The following NOL10 variants were observed in gnomAD, a reference collection of about 807,000 sequenced individuals.
NOL10 encodes the protein nucleolar protein 10.
A neutral mutation model predicts 103.5 loss-of-function variants in NOL10; 58 were observed. That is an observed-to-expected ratio of 0.56 (90% CI 0.45 to 0.70). The LOEUF (loss-of-function observed/expected upper bound fraction) is 0.70, where lower values mean the gene tolerates loss of function less well. NOL10 is among the 30% of genes least tolerant of loss of function. The pLI is 0.00. For synonymous variants in NOL10, 287 were observed against 282.5 expected (o/e 1.02, Z -0.16); for missense variants, 763 against 807.3 (o/e 0.95, Z 0.67).
chr2:10,619,821 A>C (rs996101399), intron 13 of NOL10, among the ~76,000 whole-genome samples: 1 of 152,192 alleles, frequency 6.6e-6, no homozygotes, highest in South Asian at 2.1e-4. Context: ...GGCTACAAAC[A>C]GTCATTTGAT....
intron 11 of NOL10, 28 bp from the exon 12 acceptor site, chr2:10,654,575 T>C (rs1679699149): frequency 1.3e-6 from 2 of 1,492,486 alleles, no homozygotes; most frequent in Non-Finnish European, 1.8e-6. Flanking sequence ...AAACGAAGTA[T>C]TAAAAGTTAA....
At chr2:10,686,059 C>CA (rs1221027503) in intron 1 of NOL10, among the ~76,000 whole-genome samples, 160 of 136,626 alleles carry the variant, frequency 1.2e-3, no homozygotes, top group African/African-American at 2.5e-3. Flanking sequence ...AAACCTGTTT[C>CA]AAAAAAAAAA....
intron 5 of NOL10, 54 bp from the exon 6 acceptor site, chr2:10,671,744 T>C (rs1680957060): frequency 7.3e-7 from 1 of 1,372,020 alleles, no homozygotes; most frequent in African/African-American, 1.5e-5. Context: ...AGGTGTTTAC[T>C]TCATTATCGC....
intron 3 of NOL10, among the ~76,000 whole-genome samples, chr2:10,677,462 T>C (rs1267915081): frequency 4.0e-5 from 6 of 148,504 alleles, no homozygotes; most frequent in Non-Finnish European, 7.5e-5. Context: ...GGGTTTTCTT[T>C]GGTGTTTTTT....
chr2:10,657,310 C>A (rs1469241822), intron 11 of NOL10, among the ~76,000 whole-genome samples: 1 of 149,434 alleles, frequency 6.7e-6, no homozygotes, highest in Non-Finnish European at 1.5e-5. Flanking sequence ...AGAGCAAACT[C>A]TCTCAAAAAA....
At chr2:10,630,903 A>G (rs1677800725) in intron 13 of NOL10, among the ~76,000 whole-genome samples, 1 of 152,204 alleles carries the variant, frequency 6.6e-6, no homozygotes, top group Non-Finnish European at 1.5e-5. Context: ...TCCCGTTTAC[A>G]TTCTGTCTGG....
chr2:10,595,005 C>T (rs1277158209), intron 17 of NOL10, among the ~76,000 whole-genome samples: 1 of 151,542 alleles, frequency 6.6e-6, no homozygotes, highest in East Asian at 1.9e-4. Flanking sequence ...AACAAAAGTA[C>T]AACAATGTAA....
intron 13 of NOL10, among the ~76,000 whole-genome samples, chr2:10,620,042 C>T (rs947264718): frequency 6.6e-6 from 1 of 152,188 alleles, no homozygotes; most frequent in African/African-American, 2.4e-5. Context: ...AATTTTTTTA[C>T]ATGAGAATGT....
At chr2:10,584,551 T>C (rs1210556185) in intron 19 of NOL10, among the ~76,000 whole-genome samples, 2 of 152,218 alleles carry the variant, frequency 1.3e-5, no homozygotes, top group African/African-American at 4.8e-5. Flanking sequence ...CATTTAAATA[T>C]AACACATTCA....
chr2:10,583,021 G>A (rs1479108000), intron 19 of NOL10, among the ~76,000 whole-genome samples: 2 of 152,168 alleles, frequency 1.3e-5, no homozygotes, highest in Non-Finnish European at 2.9e-5. Context: ...GAGGCCATCC[G>A]CATACTGGCC....
chr2:10,578,347 G>T (rs1674562322), intron 19 of NOL10, among the ~76,000 whole-genome samples: 1 of 152,220 alleles, frequency 6.6e-6, no homozygotes, highest in Non-Finnish European at 1.5e-5. Context: ...GAAAACAAAA[G>T]CAATTACACT....
intron 11 of NOL10, among the ~76,000 whole-genome samples, chr2:10,656,545 G>C (rs1188697104): frequency 6.6e-6 from 1 of 152,208 alleles, no homozygotes; most frequent in African/African-American, 2.4e-5. Flanking sequence ...AAGAAGCCAA[G>C]TAAGACCCAT....
At chr2:10,653,664 C>T (rs72777317) in intron 12 of NOL10, among the ~76,000 whole-genome samples, 21,344 of 152,108 alleles carry the variant, frequency 0.14, 1,669 homozygotes, top group South Asian at 0.37. Flanking sequence ...CCACCCCAAC[C>T]GAGCCCTCTG....
At chr2:10,630,791 G>A (rs539655563) in intron 13 of NOL10, among the ~76,000 whole-genome samples, 20 of 152,278 alleles carry the variant, frequency 1.3e-4, no homozygotes, top group Non-Finnish European at 2.2e-4. Flanking sequence ...GATGACCTTG[G>A]AGATCCCTTC....
intron 12 of NOL10, among the ~76,000 whole-genome samples, chr2:10,649,056 G>C (rs759666375): frequency 6.6e-6 from 1 of 152,006 alleles, no homozygotes; most frequent in Non-Finnish European, 1.5e-5. Flanking sequence ...ATTAGAAAAG[G>C]GCTGCCATTT....
chr2:10,684,492 AT>A, intron 2 of NOL10, 74 bp downstream of exon 2: 3 of 1,146,952 alleles, frequency 2.6e-6, no homozygotes, highest in Non-Finnish European at 3.8e-6. Context: ...CCTCACTTAT[AT>A]ATAACAGCAA....
chr2:10,670,599 G>A (rs778778883), intron 6 of NOL10, among the ~76,000 whole-genome samples: 6 of 152,096 alleles, frequency 3.9e-5, no homozygotes, highest in Non-Finnish European at 7.3e-5. Flanking sequence ...GCTGGGCATG[G>A]TGGCAGGCGC....
chr2:10,645,865 ACTCAG>A (rs1355019922), intron 12 of NOL10, among the ~76,000 whole-genome samples: 2 of 151,644 alleles, frequency 1.3e-5, no homozygotes, highest in African/African-American at 4.8e-5. Flanking sequence ...CTTGCCAATA[ACTCAG>A]AAGTGTGAGC....
At chr2:10,658,443 GA>G (rs1679986542) in intron 10 of NOL10, among the ~76,000 whole-genome samples, 1 of 152,152 alleles carries the variant, frequency 6.6e-6, no homozygotes, top group South Asian at 2.1e-4. Context: ...CAGGGTTTCA[GA>G]CCTCTTGTAG....
Sources: gnomAD v4.1 joint callset for allele counts (sites outside exome capture counted in the v4.1 genomes callset) on GRCh38, gnomAD v4.1.1 for gene constraint, MANE v1.5 for transcripts, NCBI Gene and HGNC (gene_info 2026-07-23, HGNC 2026-07-21) for gene names.